Variants in TSHZ2 observed in about 807,000 individuals in gnomAD.
TSHZ2 encodes teashirt homolog 2.
Under a neutral mutation model 74.4 loss-of-function variants are expected in TSHZ2, and 21 were observed. The observed-to-expected ratio is 0.28, with a 90% confidence interval of 0.20 to 0.41. TSHZ2 has a LOEUF of 0.41. Ranked by LOEUF, TSHZ2 falls within the 10% of genes least tolerant of loss-of-function variation. The pLI is 1.00. For missense variants in TSHZ2, 1,244 were observed against 1,293.5 expected, an observed-to-expected ratio of 0.96 and a Z score of 0.59; for synonymous variants, 540 against 515.3, an observed-to-expected ratio of 1.05 and a Z score of -0.65.
intron 2 of TSHZ2, among the ~76,000 whole-genome samples, chr20:53,434,170 G>A (rs1983954758): frequency 6.6e-6 from 1 of 152,080 alleles, no homozygotes; most frequent in Non-Finnish European, 1.5e-5. Flanking sequence ...ACACCCAGCT[G>A]GAATGTATTA....
chr20:53,417,278 A>ACC (rs1555861322), intron 2 of TSHZ2, among the ~76,000 whole-genome samples: 5 of 125,728 alleles, frequency 4.0e-5, no homozygotes, highest in African/African-American at 1.2e-4. Context: ...ACACACACAC[A>ACC]CCATAGTTTT....
At chr20:53,199,470 T>G (rs1988948200) in intron 1 of TSHZ2, among the ~76,000 whole-genome samples, 1 of 152,018 alleles carries the variant, frequency 6.6e-6, no homozygotes, top group Non-Finnish European at 1.5e-5. Context: ...TGAGACCCCA[T>G]CTCAAAAAAA....
chr20:53,331,853 TTGATGGGCCAAGGGGAATGGA>T (rs2145549410), intron 2 of TSHZ2, among the ~76,000 whole-genome samples: 1 of 152,124 alleles, frequency 6.6e-6, no homozygotes, highest in African/African-American at 2.4e-5. Flanking sequence ...ACCTCTGGGC[TTGATGGGCCAAGGGGAATGGA>T]TGATGTTTGG....
intron 1 of TSHZ2, among the ~76,000 whole-genome samples, chr20:53,216,211 C>T (rs889535353): frequency 2.7e-5 from 4 of 150,328 alleles, no homozygotes; most frequent in Admixed American, 1.3e-4. Flanking sequence ...AAGGAATGTC[C>T]CTGTCATCTG....
Position 53,411,445 on chromosome 20 carries a change from T to G in TSHZ2, c.*9-75699T>G, listed in dbSNP as rs149873430. On this transcript the variant is annotated intron_variant, in intron 2 of 2. Transcript: ENST00000371497. Reference sequence around the variant, plus strand: ...GCAGAGCTTTAGAATCTGACAGACCTGGCCTCAAATCCCAACTCCTACTGT... The same window carrying G: ...GCAGAGCTTTAGAATCTGACAGACCGGGCCTCAAATCCCAACTCCTACTGT... 2.5e-3 allele frequency among the ~76,000 whole-genome samples: 384 copies of G among 152,316 alleles called. 1 individual carries two copies. Among genetic ancestry groups the G allele is most frequent in the Non-Finnish European group, 4.0e-3 (272 of 68,018 alleles).
intron 2 of TSHZ2, among the ~76,000 whole-genome samples, chr20:53,317,899 T>C (rs989585336): frequency 2.0e-5 from 3 of 152,226 alleles, no homozygotes; most frequent in Non-Finnish European, 2.9e-5. Context: ...TCAGCCCCTG[T>C]GCTGAATGTT....
intron 1 of TSHZ2, among the ~76,000 whole-genome samples, chr20:52,993,797 A>ATAG (rs769237054): frequency 6.6e-6 from 1 of 152,258 alleles, no homozygotes; most frequent in Non-Finnish European, 1.5e-5. Context: ...CTTGTGACAC[A>ATAG]TAGTACACTG....
Position 53,349,665 on chromosome 20 carries a change from A to AG in TSHZ2, c.*8+93094_*8+93095insG, listed in dbSNP as rs1363289568. Among the ~76,000 whole-genome samples, 8 of 151,900 alleles carry AG rather than the reference A, an allele frequency of 5.3e-5. No individual in the cohort carries two copies. The East Asian group carries it at 1.6e-3, about 29-fold the overall frequency. ...AGACCCCACCTCAAAAAAAAAAAAA[A>AG]AAGAAGTGTAGCTTCCCCAGGTGAA... On this transcript the variant is annotated intron_variant, in intron 2 of 2. Coordinates refer to ENST00000371497, the MANE Select transcript of TSHZ2 (RefSeq NM_173485.6).
intron 2 of TSHZ2, among the ~76,000 whole-genome samples, chr20:53,460,929 C>A (rs532171200): frequency 6.6e-6 from 1 of 152,230 alleles, no homozygotes; most frequent in Non-Finnish European, 1.5e-5. Context: ...CTGGGAGAAC[C>A]ACTGCTCTCT....
intron 1 of TSHZ2, among the ~76,000 whole-genome samples, chr20:53,051,647 T>C (rs1409205564): frequency 6.6e-6 from 1 of 152,220 alleles, no homozygotes; most frequent in Non-Finnish European, 1.5e-5. Flanking sequence ...TTACAGGCCT[T>C]GCCACCTGGC....
intron 1 of TSHZ2, among the ~76,000 whole-genome samples, chr20:53,124,054 C>T: frequency 6.6e-6 from 1 of 152,202 alleles, no homozygotes; most frequent in Non-Finnish European, 1.5e-5. Flanking sequence ...TCTTAATTTT[C>T]TCTTTTCCTC....
At chr20:52,977,783 C>T (rs1455420847) in intron 1 of TSHZ2, among the ~76,000 whole-genome samples, 1 of 152,152 alleles carries the variant, frequency 6.6e-6, no homozygotes, top group African/African-American at 2.4e-5. Flanking sequence ...CCCTAATCAG[C>T]AGATTACAAG....
intron 2 of TSHZ2, among the ~76,000 whole-genome samples, chr20:53,324,822 C>G (rs1979425675): frequency 6.6e-6 from 1 of 152,190 alleles, no homozygotes; most frequent in Non-Finnish European, 1.5e-5. Context: ...TCTATTAGAT[C>G]AAGAGCACCC....
intron 1 of TSHZ2, among the ~76,000 whole-genome samples, chr20:53,211,868 T>C (rs1284695988): frequency 1.3e-5 from 2 of 152,126 alleles, no homozygotes; most frequent in African/African-American, 2.4e-5. Flanking sequence ...TAGGTAACTT[T>C]TCAACACTCA....
chr20:53,130,549 C>T (rs962936672), intron 1 of TSHZ2, among the ~76,000 whole-genome samples: 1 of 152,134 alleles, frequency 6.6e-6, no homozygotes. Flanking sequence ...TTGCTAGAGC[C>T]CGGAGGGTGG....
intron 1 of TSHZ2, among the ~76,000 whole-genome samples, chr20:53,072,829 A>G (rs1246157072): frequency 6.6e-6 from 1 of 152,186 alleles, no homozygotes; most frequent in Admixed American, 6.5e-5. Context: ...GAATGGGATC[A>G]ACCATTAGCC....
chr20:53,437,814 CTG>C (rs2145748388), intron 2 of TSHZ2, among the ~76,000 whole-genome samples: 1 of 152,274 alleles, frequency 6.6e-6, no homozygotes, highest in South Asian at 2.1e-4. Flanking sequence ...CCACGGCTGA[CTG>C]TAAAAAAAGT....
intron 1 of TSHZ2, among the ~76,000 whole-genome samples, chr20:53,196,073 T>C (rs1040018701): frequency 6.6e-6 from 1 of 152,168 alleles, no homozygotes. Context: ...CGGGTCTCTG[T>C]TGTGAAGTCA....
chr20:53,272,814 C>T (rs1990867227), intron 2 of TSHZ2, among the ~76,000 whole-genome samples: 1 of 152,108 alleles, frequency 6.6e-6, no homozygotes. Context: ...TGTTCTGAGT[C>T]CTGGGCTACA....
Sources: allele counts gnomAD v4.1 joint callset (sites outside exome capture counted in the v4.1 genomes callset), GRCh38; gene constraint gnomAD v4.1.1; transcripts MANE v1.5; gene names NCBI Gene and HGNC (gene_info 2026-07-23, HGNC 2026-07-21).